Variants in EVC2 observed in about 807,000 individuals in gnomAD.
The protein encoded by EVC2 is limbin.
A neutral mutation model predicts 149.3 loss-of-function variants in EVC2; 148 were observed. The ratio of observed to expected loss-of-function variants is 0.99; its 90% CI spans 0.87 to 1.14. The LOEUF (loss-of-function observed/expected upper bound fraction) is 1.14. Among genes scored for constraint, EVC2 ranks in the 50% most tolerant of loss-of-function variants. The pLI is 0.00. For missense variants in EVC2, 1,854 were observed against 1,627.3 expected (o/e 1.14, Z -2.40); for synonymous variants, 776 against 649.9 (o/e 1.19, Z -2.95).
At chr4:5,584,894 T>C in intron 16 of EVC2, 44 bp from the exon 17 acceptor site, 1 of 1,600,148 alleles carries the variant, frequency 6.2e-7, no homozygotes, top group South Asian at 1.1e-5. Flanking sequence ...GAGCAGTGAG[T>C]AGAGGAGGGT....
chr4:5,529,360 T>C, the EVC2 span, among the ~76,000 whole-genome samples: 1 of 152,242 alleles, frequency 6.6e-6, no homozygotes, highest in Non-Finnish European at 1.5e-5. The surrounding 1 kb of genome is among the most constrained non-coding windows in gnomAD (Gnocchi z 4.5). Context: ...AAATAGGTGC[T>C]ATATTTACCT....
chr4:5,568,457 C>T lies in EVC2; in HGVS notation c.3544G>A (p.Val1182Met), dbSNP rs144511301. 40 of 1,561,924 alleles carry T rather than the reference C, an allele frequency of 2.6e-5. No homozygotes were observed. The African/African-American group carries it at 4.0e-4, about 16-fold the overall frequency. Residue 1182 changes from valine to methionine, a missense_variant, in exon 20 of 22, where the codon GTG becomes ATG. Transcript: ENST00000344408. ...CACGGCACTCACCTCCGCCTGCCCACGTCGGCCTGCTCCGCTCCGCCATCG... is the reference window on the plus strand; with the variant it reads ...CACGGCACTCACCTCCGCCTGCCCATGTCGGCCTGCTCCGCTCCGCCATCG... ...ESDGGAEQAD[V>M]GRRRKHQSWW...
chr4:5,553,655 C>T (rs549503624), intron 21 of EVC2, among the ~76,000 whole-genome samples: 60 of 152,208 alleles, frequency 3.9e-4, no homozygotes, highest in Middle Eastern at 3.4e-3. Flanking sequence ...GTTATGATTG[C>T]ACAACTCTGT....
chr4:5,563,944 G>A (rs924194395), intron 21 of EVC2, among the ~76,000 whole-genome samples: 1 of 152,020 alleles, frequency 6.6e-6, no homozygotes, highest in East Asian at 1.9e-4. Context: ...CTGGCCATGG[G>A]CAGTCCAACC....
At chr4:5,577,344 C>A (rs958609281) in intron 17 of EVC2, among the ~76,000 whole-genome samples, 10 of 152,206 alleles carry the variant, frequency 6.6e-5, no homozygotes, top group African/African-American at 2.4e-4. Flanking sequence ...ACACAAGAAA[C>A]TGTCCACAGC....
At chr4:5,651,601 G>C (rs1577209060) in intron 9 of EVC2, among the ~76,000 whole-genome samples, 1 of 152,202 alleles carries the variant, frequency 6.6e-6, no homozygotes, top group East Asian at 1.9e-4. Context: ...CTACCTGAAG[G>C]TTAGATGACA....
intron 15 of EVC2, among the ~76,000 whole-genome samples, chr4:5,617,292 G>A (rs1267665329): frequency 2.6e-5 from 4 of 152,178 alleles, no homozygotes; most frequent in Non-Finnish European, 5.9e-5. Flanking sequence ...CTGCTGGGCT[G>A]TTTTCTCATC....
chr4:5,583,320 G>C (rs1711968387), intron 17 of EVC2, among the ~76,000 whole-genome samples: 1 of 152,054 alleles, frequency 6.6e-6, no homozygotes, highest in South Asian at 2.1e-4. Flanking sequence ...GTTCTTTCTG[G>C]TACTGTTCAT....
chr4:5,542,208 T>G (rs1035364006), downstream of EVC2, among the ~76,000 whole-genome samples: 1 of 152,134 alleles, frequency 6.6e-6, no homozygotes, highest in African/African-American at 2.4e-5. Context: ...CCCCAGCACT[T>G]TGGGAAGCTG....
At chr4:5,606,415 G>A (rs1560159308) in intron 16 of EVC2, among the ~76,000 whole-genome samples, 2 of 152,102 alleles carry the variant, frequency 1.3e-5, no homozygotes, top group Admixed American at 1.3e-4. Context: ...TCCACAGAAG[G>A]GCATCACCTT....
At position 5,665,435 on chromosome 4, in the gene EVC2, G is replaced by A. The variant is rs1719201782; in HGVS notation, c.1005+80C>T. On this transcript the variant is annotated intron_variant, in intron 8 of 21. Transcript: ENST00000344408. The stretch of plus-strand genomic sequence containing the variant: ...CCTCAGCAATGCTGATGGGGATCCA[G>A]GGCTGAGACCCACAGAACTGGGGGA... The A allele has an allele frequency of 3.7e-6, 6 of 1,605,568 alleles. No individual in the cohort carries two copies. The South Asian group carries it at 6.6e-5, about 18-fold the overall frequency.
At position 5,691,209 on chromosome 4, in the gene EVC2, T is replaced by A. The variant is rs1198779004; in HGVS notation, c.519+56A>T. On this transcript the variant is annotated intron_variant, in intron 4 of 21. Transcript: ENST00000344408. ...TAAATACATGACTCTAATAAAATGATCTGGGCAAAATCCAATTATTTTCTC... is the reference window on the plus strand; with the variant it reads ...TAAATACATGACTCTAATAAAATGAACTGGGCAAAATCCAATTATTTTCTC... 8 of 1,499,810 alleles carry A rather than the reference T, an allele frequency of 5.3e-6. No individual in the cohort carries two copies. The South Asian group carries it at 9.0e-5, about 17-fold the overall frequency. 92.9% of individuals were successfully genotyped at this position (1,499,810 alleles called of 1,614,324 possible). A position where few individuals can be genotyped will look rare whatever the true frequency, so the allele number is the denominator to read the frequency against.
intron 21 of EVC2, among the ~76,000 whole-genome samples, chr4:5,549,025 T>C (rs1721681455): frequency 7.1e-6 from 1 of 141,706 alleles, no homozygotes; most frequent in South Asian, 2.6e-4. Context: ...TAGACAGTGA[T>C]TGAAGGCTGG....
chr4:5,551,737 GA>G (rs1721743240), intron 21 of EVC2, among the ~76,000 whole-genome samples: 1 of 152,156 alleles, frequency 6.6e-6, no homozygotes, highest in Non-Finnish European at 1.5e-5. Flanking sequence ...ATTTTATCTT[GA>G]ATTCCCACGT....
chr4:5,707,251 C>T (rs1722265168), intron 1 of EVC2, among the ~76,000 whole-genome samples: 1 of 152,184 alleles, frequency 6.6e-6, no homozygotes, highest in African/African-American at 2.4e-5. Context: ...GCTCAGGACA[C>T]TGACATGGCG....
At chr4:5,639,511 G>A (rs559187519) in intron 10 of EVC2, among the ~76,000 whole-genome samples, 1 of 152,330 alleles carries the variant, frequency 6.6e-6, no homozygotes, top group East Asian at 1.9e-4. Context: ...GCCTTCTGCA[G>A]CCCATGGGCG....
intron 16 of EVC2, among the ~76,000 whole-genome samples, chr4:5,594,115 C>G (rs1343591254): frequency 2.6e-5 from 4 of 152,178 alleles, no homozygotes; most frequent in Non-Finnish European, 2.9e-5. Flanking sequence ...GGCCTGCCTG[C>G]CTCTGTAGGC....
intron 21 of EVC2, among the ~76,000 whole-genome samples, chr4:5,546,794 C>T (rs1328410365): frequency 2.0e-5 from 3 of 152,040 alleles, no homozygotes; most frequent in South Asian, 2.1e-4. Context: ...CTGATGGCAG[C>T]AGCAGCCTGT....
chr4:5,564,231 T>C (rs1231492858), intron 21 of EVC2, among the ~76,000 whole-genome samples: 1 of 152,238 alleles, frequency 6.6e-6, no homozygotes, highest in Non-Finnish European at 1.5e-5. Flanking sequence ...ATGGTGCCTC[T>C]AGGCAGAGCA....
Sources: allele counts gnomAD v4.1 joint callset (sites outside exome capture counted in the v4.1 genomes callset), GRCh38; gene constraint gnomAD v4.1.1; non-coding constraint Gnocchi (gnomAD v3.1); transcripts MANE v1.5; gene names NCBI Gene and HGNC (gene_info 2026-07-23, HGNC 2026-07-21).